The following ITGA2 variants were observed in gnomAD, a reference collection of about 807,000 sequenced individuals.
The protein encoded by ITGA2 is integrin alpha-2.
Under a neutral mutation model 146.3 loss-of-function variants are expected in ITGA2, and 101 were observed. The observed-to-expected ratio is 0.69, with a 90% CI of 0.59 to 0.81. The LOEUF is 0.81. ITGA2 is among the 40% of genes least tolerant of loss of function. ITGA2 has a pLI of 0.00. For synonymous variants in ITGA2, 477 were observed against 487.1 expected (o/e 0.98, Z 0.27); for missense variants, 1,281 against 1,402.7 (o/e 0.91, Z 1.39).
In ITGA2 at chr5:53,000,897, GTT is replaced by G. The variant is rs369482288; in HGVS notation, c.64+11385_64+11386del. 8.7e-3 allele frequency among the ~76,000 whole-genome samples: 842 copies of G among 97,138 alleles called. 2 individuals carry two copies. The highest frequency in any genetic ancestry group is 0.029 in the African/African-American group (762 of 26,200). The allele number at this position is 97,138 out of a possible 152,430, so 63.7% of individuals were successfully genotyped here. On this transcript the variant is annotated intron_variant, in intron 1 of 29. Transcript: ENST00000296585. ...TTTTCTTTTTTTTCTTTTTCTTTTT[GTT>G]TTTTTTTTTTTTTTTTTTTCTTGAT...
At chr5:53,079,671 AT>A (rs1464261180) in intron 24 of ITGA2, among the ~76,000 whole-genome samples, 1 of 152,154 alleles carries the variant, frequency 6.6e-6, no homozygotes, top group Non-Finnish European at 1.5e-5. Flanking sequence ...AAGAATCTTT[AT>A]GATCTAGATA....
intron 1 of ITGA2, among the ~76,000 whole-genome samples, chr5:52,999,826 T>C (rs954801817): frequency 2.6e-5 from 4 of 152,132 alleles, no homozygotes; most frequent in African/African-American, 7.2e-5. Context: ...TAGATCTCCA[T>C]GGAAGCATGT....
At position 53,062,804 on chromosome 5, in the gene ITGA2, A is replaced by G; in HGVS notation, c.1477A>G (p.Ser493Gly). ...RGDQIGSYFG[S>G]VLCSVDVDKD... ...ACTCCAGATTGGCTCCTATTTTGGT[A>G]GTGTGCTGTGTTCAGTTGATGTGGA... The change falls in exon 13 of 30, where the codon AGT becomes GGT. Residue 493 changes from serine to glycine, a missense_variant. This residue lies in a region of ITGA2 where 795 missense variants were observed against 841.7 expected (regional missense o/e 0.94). Coordinates refer to ENST00000296585, the MANE Select transcript of ITGA2 (RefSeq NM_002203.4). 6.2e-7 allele frequency: 1 copy of G among 1,611,654 alleles called. No individual in the cohort carries two copies. Among genetic ancestry groups the G allele is most frequent in the South Asian group, 1.1e-5 (1 of 91,052 alleles).
chr5:53,059,791 T>G, intron 10 of ITGA2, 83 bp from the exon 11 acceptor site: 1 of 1,234,020 alleles, frequency 8.1e-7, no homozygotes, highest in Admixed American at 1.9e-5. Context: ...TCTAAACAAC[T>G]TATTTCAATG....
chr5:53,087,179 T>A, intron 28 of ITGA2, 138 bp downstream of exon 28: 1 of 721,192 alleles, frequency 1.4e-6, no homozygotes, highest in South Asian at 1.5e-5. Flanking sequence ...TGATGTTTAT[T>A]ATGTTGAGAT....
chr5:53,027,539 C>A (rs895907453), intron 2 of ITGA2, among the ~76,000 whole-genome samples: 6 of 152,190 alleles, frequency 3.9e-5, no homozygotes, highest in Non-Finnish European at 5.9e-5. Flanking sequence ...TCCCATAATA[C>A]TAATGCAAGT....
At chr5:53,054,512 T>A (rs556634240) in intron 7 of ITGA2, among the ~76,000 whole-genome samples, 46 of 152,258 alleles carry the variant, frequency 3.0e-4, no homozygotes, top group African/African-American at 1.0e-3. Context: ...CCAAGATATA[T>A]ACACAGGGAT....
chr5:52,995,473 G>T (rs1741192549), intron 1 of ITGA2, among the ~76,000 whole-genome samples: 1 of 152,028 alleles, frequency 6.6e-6, no homozygotes, highest in African/African-American at 2.4e-5. Flanking sequence ...GAGTGAACAG[G>T]ATTTGATGAT....
chr5:53,034,273 C>G (rs1743378584), intron 2 of ITGA2, among the ~76,000 whole-genome samples: 1 of 151,896 alleles, frequency 6.6e-6, no homozygotes, highest in African/African-American at 2.4e-5. Flanking sequence ...TTAAGCCATC[C>G]TCAGCACTAT....
At chr5:53,004,890 C>CT (rs1579784288) in intron 1 of ITGA2, among the ~76,000 whole-genome samples, 2 of 53,834 alleles carry the variant, frequency 3.7e-5, no homozygotes, top group East Asian at 7.8e-4. Flanking sequence ...AGTTTAGTTG[C>CT]TTTGTTTTTT....
At chr5:53,087,124 T>C in intron 28 of ITGA2, 83 bp downstream of exon 28, 1 of 898,932 alleles carries the variant, frequency 1.1e-6, no homozygotes, top group Non-Finnish European at 1.8e-6. Context: ...GTCACTCTTC[T>C]TACCTACATG....
chr5:53,005,938 T>C (rs904638264), intron 1 of ITGA2, among the ~76,000 whole-genome samples: 2 of 152,150 alleles, frequency 1.3e-5, no homozygotes, highest in African/African-American at 4.8e-5. Flanking sequence ...TAAAAAATGC[T>C]GTACATCACA....
In ITGA2 at chr5:53,075,042, AT is replaced by A; in HGVS notation, c.2665-15del. ...AGTATGAAGCATCATAGACTGAGAA[AT>A]TTTAATTTTGTCTTTAGGTGACTTT... On this transcript the variant is annotated intron_variant, in intron 21 of 29. Transcript: ENST00000296585. 3 of 1,566,324 alleles carry A rather than the reference AT, an allele frequency of 1.9e-6. No individual in the cohort carries two copies. Among genetic ancestry groups the A allele is most frequent in the Non-Finnish European group, 2.6e-6 (3 of 1,138,938 alleles).
rs1446995352 is a variant in ITGA2 at position 53,001,694 on chromosome 5, G to A, written c.64+12162G>A. ...TACAAAAGAAAAATTTAAAAAATTAGCCAGGAATCGTGCTGCATGCCTGTA... is the reference window on the plus strand; with the variant it reads ...TACAAAAGAAAAATTTAAAAAATTAACCAGGAATCGTGCTGCATGCCTGTA... On this transcript the variant is annotated intron_variant, in intron 1 of 29. Coordinates refer to ENST00000296585, the MANE Select transcript of ITGA2 (RefSeq NM_002203.4). Among the ~76,000 whole-genome samples the A allele has an allele frequency of 4.0e-5, 6 of 151,860 alleles. No individual in the cohort carries two copies. In the East Asian group the frequency reaches 9.7e-4, roughly 25 times the overall value.
intron 1 of ITGA2, among the ~76,000 whole-genome samples, chr5:53,016,845 T>C (rs190873319): frequency 6.6e-6 from 1 of 152,328 alleles, no homozygotes; most frequent in African/African-American, 2.4e-5. Flanking sequence ...CTTTGAGCTC[T>C]GACATTTTTT....
At chr5:53,043,793 A>T (rs1743923114) in intron 3 of ITGA2, among the ~76,000 whole-genome samples, 1 of 152,228 alleles carries the variant, frequency 6.6e-6, no homozygotes, top group South Asian at 2.1e-4. Flanking sequence ...TGAGAAATAG[A>T]GTCTTAAAAA....
At chr5:53,010,480 C>T (rs1292000976) in intron 1 of ITGA2, among the ~76,000 whole-genome samples, 1 of 152,156 alleles carries the variant, frequency 6.6e-6, no homozygotes, top group East Asian at 1.9e-4. Flanking sequence ...CCTGCCCCAC[C>T]ATTATATTTT....
chr5:53,056,970 C>T lies in ITGA2; in HGVS notation c.1096+821C>T, dbSNP rs1450691783. Among the ~76,000 whole-genome samples the T allele has an allele frequency of 2.6e-5, 4 of 152,046 alleles. No individual in the cohort carries two copies. In the East Asian group the frequency reaches 7.8e-4, roughly 30 times the overall value. ...GGCTAAAGGAATTGCATAAATTATT[C>T]ATTCATATACTCAAATCTTGATTTG... On this transcript the variant is annotated intron_variant, in intron 9 of 29. Coordinates refer to ENST00000296585, the MANE Select transcript of ITGA2 (RefSeq NM_002203.4).
chr5:52,994,361 A>G (rs1741123192), intron 1 of ITGA2, among the ~76,000 whole-genome samples: 1 of 152,164 alleles, frequency 6.6e-6, no homozygotes, highest in Admixed American at 6.5e-5. Flanking sequence ...TTGAGTTACC[A>G]TCCTCTTCTG....
Sources: gnomAD v4.1 joint callset for allele counts (sites outside exome capture counted in the v4.1 genomes callset) on GRCh38, gnomAD v4.1.1 for gene constraint, gnomAD v4.1.1 regional missense constraint, MANE v1.5 for transcripts, NCBI Gene and HGNC (gene_info 2026-07-23, HGNC 2026-07-21) for gene names.